The following PCDHGB1 variants were observed in gnomAD, a reference collection of about 807,000 sequenced individuals.
PCDHGB1 encodes protocadherin gamma subfamily B, 1, also known as protocadherin gamma-B1.
Under a neutral mutation model 56.6 loss-of-function variants are expected in PCDHGB1, and 34 were observed. That is an observed-to-expected ratio of 0.60 (90% CI 0.46 to 0.80). PCDHGB1 has a LOEUF of 0.80. Ranked by LOEUF, PCDHGB1 falls within the 30% of genes least tolerant of loss-of-function variation. The pLI is 0.00. For synonymous variants in PCDHGB1, 561 were observed against 505.9 expected (o/e 1.11, Z -1.46); for missense variants, 1,278 against 1,204.6 (o/e 1.06, Z -0.90).
Position 141,351,650 on chromosome 5 carries a change from G to T in PCDHGB1, c.1390G>T (p.Gly464Cys). ...VVHVSENNPP[G>C]ASIAQVSASD... ...CCACGTGTCTGAGAACAACCCACCT[G>T]GCGCCTCCATTGCACAAGTAAGCGC... Residue 464 changes from glycine to cysteine, a missense_variant, in exon 1 of 4, where the codon GGC becomes TGC. Gly to Cys is a radical substitution (Grantham distance 159). Transcript: ENST00000523390. The T allele has an allele frequency of 6.2e-7, 1 of 1,613,996 alleles. No homozygotes were observed. The highest frequency in any genetic ancestry group is 8.5e-7 in the Non-Finnish European group (1 of 1,179,896).
rs200317374 is a variant in PCDHGB1, at chr5:141,408,395, A to C, written c.2409+55726A>C. 29 of 1,613,856 alleles carry C rather than the reference A, an allele frequency of 1.8e-5. No homozygotes were observed. The South Asian group carries it at 3.0e-4, about 16-fold the overall frequency. On this transcript the variant is annotated intron_variant, in intron 1 of 3. Transcript: ENST00000523390. ...CAGTGTCCTGGATGTGTCGGCTCGC[A>C]AGCTGCGAGTGAGCGCGGAGAAGCT...
chr5:141,418,178 G>A, intron 1 of PCDHGB1: 1 of 1,614,080 alleles, frequency 6.2e-7, no homozygotes, highest in Non-Finnish European at 8.5e-7. Flanking sequence ...GTTGCAATTG[G>A]AAGCTGTGGT....
At chr5:141,478,926 G>A in intron 1 of PCDHGB1, 1 of 687,216 alleles carries the variant, frequency 1.5e-6, no homozygotes, top group Non-Finnish European at 2.3e-6. Flanking sequence ...CTAACCAGTG[G>A]CAGCTTCTAG....
At chr5:141,364,793 C>G in intron 1 of PCDHGB1, 2 of 1,614,028 alleles carry the variant, frequency 1.2e-6, no homozygotes, top group Non-Finnish European at 1.7e-6. Flanking sequence ...GTTAGTGCTT[C>G]CCTTCGCGCG....
chr5:141,476,264 G>T lies in PCDHGB1; in HGVS notation c.2410-18543G>T, dbSNP rs753184649. On this transcript the variant is annotated intron_variant, in intron 1 of 3. Coordinates refer to ENST00000523390, the MANE Select transcript of PCDHGB1 (RefSeq NM_018922.3). This position sits in a 1 kb window ranked among gnomAD's most constrained non-coding sequence, Gnocchi z 7.6. ...AGAGAAGGGTTTCGCTGTGGGCAAC[G>T]TGGTCGCGAACCTTGGTTTGGATCT... The T allele has an allele frequency of 5.0e-6, 8 of 1,613,964 alleles. No individual in the cohort carries two copies. In the African/African-American group the frequency reaches 8.0e-5, roughly 16 times the overall value.
chr5:141,489,597 A>T lies in PCDHGB1; in HGVS notation c.2410-5210A>T. The T allele has an allele frequency of 6.2e-7, 1 of 1,614,100 alleles. No individual in the cohort carries two copies. Among genetic ancestry groups the T allele is most frequent in the African/African-American group, 1.3e-5 (1 of 75,040 alleles). ...AACACCCCCTGGAGCTAATCCGTGT[A>T]GAGGTAGAGATCCTGGATCTCAATG... On this transcript the variant is annotated intron_variant, in intron 1 of 3. Transcript: ENST00000523390. The surrounding 1 kb of genome is among the most constrained non-coding windows in gnomAD (Gnocchi z 4.5).
intron 1 of PCDHGB1, chr5:141,372,856 A>T (rs1769134013): frequency 6.9e-7 from 1 of 1,445,570 alleles, no homozygotes; most frequent in Admixed American, 2.4e-5. Flanking sequence ...TTGGGTTTCA[A>T]TTCATTGATT....
intron 1 of PCDHGB1, chr5:141,365,243 C>T: frequency 6.2e-7 from 1 of 1,613,982 alleles, no homozygotes; most frequent in Non-Finnish European, 8.5e-7. Context: ...CTCAACTCTA[C>T]AATCACTGGA....
chr5:141,360,170 G>T (rs72790010), intron 1 of PCDHGB1: 2 of 1,607,748 alleles, frequency 1.2e-6, no homozygotes, highest in Non-Finnish European at 1.7e-6. Context: ...GGGCTGGTGC[G>T]GTGGCTGCAG....
chr5:141,432,863 T>C lies in PCDHGB1; in HGVS notation c.2410-61944T>C, dbSNP rs762979829. On this transcript the variant is annotated intron_variant, in intron 1 of 3. Coordinates refer to ENST00000523390, the MANE Select transcript of PCDHGB1 (RefSeq NM_018922.3). This position sits in a 1 kb window ranked among gnomAD's most constrained non-coding sequence, Gnocchi z 6.0. ...GGTGGTAGCGGTGGCCGCGGTCTCCTGCGTCTTCCTGGCCTTCGTCATCTT... is the reference window on the plus strand; with the variant it reads ...GGTGGTAGCGGTGGCCGCGGTCTCCCGCGTCTTCCTGGCCTTCGTCATCTT... 20 of 1,614,192 alleles carry C rather than the reference T, an allele frequency of 1.2e-5. No individual in the cohort carries two copies. Among genetic ancestry groups the C allele is most frequent in the Admixed American group, 6.7e-5 (4 of 60,032 alleles).
chr5:141,479,928 C>T (rs1309777916), intron 1 of PCDHGB1, among the ~76,000 whole-genome samples: 1 of 152,222 alleles, frequency 6.6e-6, no homozygotes, highest in African/African-American at 2.4e-5. Flanking sequence ...CTCAGTGCAT[C>T]ATTGCTATCA....
chr5:141,459,609 T>C (rs939880462), intron 1 of PCDHGB1, among the ~76,000 whole-genome samples: 1 of 152,230 alleles, frequency 6.6e-6, no homozygotes, highest in African/African-American at 2.4e-5. Context: ...AAGTATATGC[T>C]TAACTTTATA....
chr5:141,375,418 C>T, intron 1 of PCDHGB1: 2 of 1,613,972 alleles, frequency 1.2e-6, no homozygotes, highest in Non-Finnish European at 1.7e-6. Context: ...TGGCAGACAC[C>T]AACGACAACC....
chr5:141,361,121 C>T, intron 1 of PCDHGB1: 1 of 1,613,950 alleles, frequency 6.2e-7, no homozygotes, highest in Non-Finnish European at 8.5e-7. Context: ...GATCTAGCAG[C>T]CCACTGCAGT....
At position 141,511,542 on chromosome 5, in the gene PCDHGB1, A is replaced by C; in HGVS notation, c.*369A>C. The stretch of plus-strand genomic sequence containing the variant: ...CCCATGCCTCCCTCCTCCCCACCCC[A>C]CTCCAACAGTTCCTCTTTCCCGAGT... On this transcript the variant is annotated 3_prime_UTR_variant, in exon 4 of 4. Coordinates refer to ENST00000523390, the MANE Select transcript of PCDHGB1 (RefSeq NM_018922.3). 6.6e-6 allele frequency: 2 copies of C among 302,184 alleles called. No homozygotes were observed. The highest frequency in any genetic ancestry group is 3.7e-5 in the South Asian group (1 of 26,678). The allele number at this position is 302,184 out of a possible 1,614,324, so 18.7% of individuals were successfully genotyped here. A position where few individuals can be genotyped will look rare whatever the true frequency, so the allele number is the denominator to read the frequency against.
In PCDHGB1 at chr5:141,364,730, C is replaced by T. The variant is rs374170303; in HGVS notation, c.2409+12061C>T. On this transcript the variant is annotated intron_variant, in intron 1 of 3. Coordinates refer to ENST00000523390, the MANE Select transcript of PCDHGB1 (RefSeq NM_018922.3). ...TATTAATGATAACTTCCCGCGTTTC[C>T]GGGATGAAGAGTTAAAAGTAAAAGT... is the stretch of plus-strand genomic sequence containing the variant. The T allele has an allele frequency of 1.9e-6, 3 of 1,613,720 alleles. No individual in the cohort carries two copies. In the African/African-American group the frequency reaches 4.0e-5, roughly 22 times the overall value.
At chr5:141,360,980 A>G in intron 1 of PCDHGB1, 1 of 1,613,832 alleles carries the variant, frequency 6.2e-7, no homozygotes, top group Non-Finnish European at 8.5e-7. Context: ...TACTCCTTTC[A>G]TAATGTGGAC....
chr5:141,376,504 T>C, intron 1 of PCDHGB1: 1 of 1,614,034 alleles, frequency 6.2e-7, no homozygotes, highest in African/African-American at 1.3e-5. Context: ...CCAGGCAACT[T>C]CAGGTGAGTT....
At chr5:141,368,960 T>G (rs1765952746) in intron 1 of PCDHGB1, among the ~76,000 whole-genome samples, 2 of 152,218 alleles carry the variant, frequency 1.3e-5, no homozygotes, top group African/African-American at 2.4e-5. Flanking sequence ...TAGTTTAAGA[T>G]GCTATAATGC....
Sources: allele counts gnomAD v4.1 joint callset (sites outside exome capture counted in the v4.1 genomes callset), GRCh38; gene constraint gnomAD v4.1.1; non-coding constraint Gnocchi (gnomAD v3.1); transcripts MANE v1.5; gene names NCBI Gene and HGNC (gene_info 2026-07-23, HGNC 2026-07-21).